The following CNGB1 variants were observed in gnomAD, a reference collection of about 807,000 sequenced individuals.
CNGB1 encodes cyclic nucleotide-gated channel beta-1.
In CNGB1, 126 loss-of-function variants were observed where a neutral mutation model predicts 151.7. That is an observed-to-expected ratio of 0.83 (90% CI 0.72 to 0.96). The LOEUF (loss-of-function observed/expected upper bound fraction) is 0.96. Ranked by LOEUF, CNGB1 falls within the 40% of genes least tolerant of loss-of-function variation. The pLI is 0.00. For missense variants in CNGB1, 1,698 were observed against 1,627.0 expected (o/e 1.04, Z -0.75); for synonymous variants, 623 against 635.1 (o/e 0.98, Z 0.29).
At chr16:57,970,394 A>G (rs1397742790) in intron 1 of CNGB1, among the ~76,000 whole-genome samples, 1 of 152,134 alleles carries the variant, frequency 6.6e-6, no homozygotes, top group African/African-American at 2.4e-5. Flanking sequence ...GCACTCAGTA[A>G]AATAAGAATT....
chr16:57,891,169 A>T (rs1333210366), intron 31 of CNGB1, among the ~76,000 whole-genome samples: 1 of 152,170 alleles, frequency 6.6e-6, no homozygotes, highest in Admixed American at 6.5e-5. Context: ...GGGCAAGAAG[A>T]GAGGGTGGGG....
rs142893187 is a variant in CNGB1, at chr16:57,961,176, G to A, written c.459-261C>T. ...GGGCAGCAGGGGAGAGGCAAGAGCC[G>A]CTTGAGGACCTGAATGCAGCCCTGG... On this transcript the variant is annotated intron_variant, in intron 7 of 32. Transcript: ENST00000251102. Among the ~76,000 whole-genome samples the A allele has an allele frequency of 1.9e-4, 29 of 152,332 alleles. No individual in the cohort carries two copies. The East Asian group carries it at 4.0e-3, about 21-fold the overall frequency.
chr16:57,967,640 G>A (rs1360042673), intron 1 of CNGB1, among the ~76,000 whole-genome samples: 1 of 152,066 alleles, frequency 6.6e-6, no homozygotes, highest in East Asian at 1.9e-4. Flanking sequence ...AGGCAGCAGT[G>A]GGTCATGATG....
In CNGB1 at chr16:57,912,919, G is replaced by A. The variant is rs2149362682; in HGVS notation, c.2369+11C>T. The A allele has an allele frequency of 1.2e-6, 2 of 1,613,576 alleles. No individual in the cohort carries two copies. Among genetic ancestry groups the A allele is most frequent in the Non-Finnish European group, 1.7e-6 (2 of 1,179,568 alleles). On this transcript the variant is annotated intron_variant, in intron 24 of 32. Transcript: ENST00000251102. ...GTGTGTGCATGCATGCACATGCAGG[G>A]GGAGTCTCACCTGTACACGTAGGCT...
At chr16:57,949,672 G>T (rs543636591) in intron 13 of CNGB1, among the ~76,000 whole-genome samples, 1 of 152,154 alleles carries the variant, frequency 6.6e-6, no homozygotes, top group African/African-American at 2.4e-5. Context: ...GGTGACCCTA[G>T]GTCAGCCTCT....
rs202216233 is a variant in CNGB1, at chr16:57,960,551, A to G, written c.535-21T>C. Reference sequence around the variant, plus strand: ...CAGACCTGGGTGACAAACAGGGCGCAAGGTCATGGGCCATAGCAAGCTCTG... The same window carrying G: ...CAGACCTGGGTGACAAACAGGGCGCGAGGTCATGGGCCATAGCAAGCTCTG... On this transcript the variant is annotated intron_variant, in intron 8 of 32. Coordinates refer to ENST00000251102, the MANE Select transcript of CNGB1 (RefSeq NM_001297.5). 2.8e-3 allele frequency: 4,576 copies of G among 1,612,600 alleles called. 12 individuals are homozygous for G. Among genetic ancestry groups the G allele is most frequent in the Non-Finnish European group, 3.5e-3 (4,133 of 1,179,148 alleles).
chr16:57,960,726 C>T, intron 8 of CNGB1, 114 bp downstream of exon 8: 2 of 1,329,018 alleles, frequency 1.5e-6, no homozygotes, highest in Non-Finnish European at 2.1e-6. Flanking sequence ...GGGCATCGCC[C>T]CCTCATGAGT....
intron 25 of CNGB1, among the ~76,000 whole-genome samples, chr16:57,906,911 G>A (rs1218691587): frequency 6.6e-6 from 1 of 152,198 alleles, no homozygotes; most frequent in Non-Finnish European, 1.5e-5. Context: ...GAGAGCACTG[G>A]GGCGGGATGC....
chr16:57,920,521 G>A lies in CNGB1; in HGVS notation c.1667C>T (p.Thr556Met), dbSNP rs199836349. 6.3e-5 allele frequency: 101 copies of A among 1,613,606 alleles called. No homozygotes were observed. In the African/African-American group the frequency reaches 9.6e-4, roughly 15 times the overall value. Residue 556 changes from threonine to methionine, a missense_variant, in exon 19 of 33, where the codon ACG becomes ATG. Physicochemically the swap from Thr to Met is moderately conservative, Grantham distance 81 (BLOSUM62 -1). Transcript: ENST00000251102. ...GATGATGGCGCTATTTGTGCTGGCC[G>A]TGGAGGCCGCACGGTCCTGGCCACT... ...DTDGQDRAAS[T>M]ASTNSAIIND...
intron 25 of CNGB1, among the ~76,000 whole-genome samples, chr16:57,907,798 C>T (rs1270187472): frequency 2.0e-5 from 3 of 152,144 alleles, no homozygotes; most frequent in African/African-American, 4.8e-5. Context: ...CCACTGGTGA[C>T]GTGGGGAAGC....
chr16:57,904,668 T>C, intron 26 of CNGB1, 66 bp downstream of exon 26: 2 of 1,608,830 alleles, frequency 1.2e-6, no homozygotes, highest in Non-Finnish European at 1.7e-6. Flanking sequence ...GGGTGACATT[T>C]CTGGCAACAG....
intron 25 of CNGB1, among the ~76,000 whole-genome samples, chr16:57,905,375 G>A (rs928731325): frequency 6.6e-6 from 1 of 152,214 alleles, no homozygotes; most frequent in Admixed American, 6.5e-5. Context: ...GTGAAACTGA[G>A]GCCCCCAAAG....
intron 16 of CNGB1, among the ~76,000 whole-genome samples, chr16:57,933,417 T>C (rs1961411097): frequency 6.6e-6 from 1 of 152,216 alleles, no homozygotes. Flanking sequence ...GGCCCTGTAC[T>C]GTGTCCCACA....
chr16:57,936,799 C>A lies in CNGB1; in HGVS notation c.1372+2631G>T, dbSNP rs80266738. 5.4e-3 allele frequency among the ~76,000 whole-genome samples: 689 copies of A among 128,570 alleles called. 4 individuals are homozygous for A. Among genetic ancestry groups the A allele is most frequent in the African/African-American group, 0.017 (586 of 35,440 alleles). 84.3% of individuals were successfully genotyped at this position (128,570 alleles called of 152,430 possible). A position where few individuals can be genotyped will look rare whatever the true frequency, so the allele number is the denominator to read the frequency against. ...GACTCTGTCTCAAAAAACAAACAAACAAAAAAAAAACAAAAGAAAAGAGAG... is the reference window on the plus strand; with the variant it reads ...GACTCTGTCTCAAAAAACAAACAAAAAAAAAAAAAACAAAAGAAAAGAGAG... On this transcript the variant is annotated intron_variant, in intron 16 of 32. Coordinates refer to ENST00000251102, the MANE Select transcript of CNGB1 (RefSeq NM_001297.5).
In CNGB1 at chr16:57,944,343, AAGGAG is replaced by A. The variant is rs144458627; in HGVS notation, c.1122-4027_1122-4023del. Among the ~76,000 whole-genome samples the A allele has an allele frequency of 3.0e-3, 451 of 152,318 alleles. 2 individuals are homozygous for A. Among genetic ancestry groups the A allele is most frequent in the African/African-American group, 0.01 (435 of 41,578 alleles). ...GAGTGTAAAAAAGTTGAACTCACAG[AAGGAG>A]AGAATAGAATGGTAGTTACCAGGGG... On this transcript the variant is annotated intron_variant, in intron 14 of 32. Coordinates refer to ENST00000251102, the MANE Select transcript of CNGB1 (RefSeq NM_001297.5).
intron 4 of CNGB1, 67 bp downstream of exon 4, chr16:57,964,063 G>T: frequency 6.8e-7 from 1 of 1,470,786 alleles, no homozygotes. Context: ...CATCCCCAGG[G>T]CTCCCTAGCT....
intron 27 of CNGB1, among the ~76,000 whole-genome samples, chr16:57,903,396 G>T (rs1468645965): frequency 6.6e-6 from 1 of 152,046 alleles, no homozygotes; most frequent in African/African-American, 2.4e-5. Flanking sequence ...GGAGGCTGAG[G>T]TAGGAGAATC....
At chr16:57,920,343 A>C (rs776685900) in intron 19 of CNGB1, 44 bp downstream of exon 19, 1 of 1,611,230 alleles carries the variant, frequency 6.2e-7, no homozygotes, top group South Asian at 1.1e-5. Flanking sequence ...TGGAGGCCCC[A>C]CCCCATCCCC....
rs1313173172 is a variant in CNGB1, at chr16:57,916,181, T to G, written c.2167-2A>C. The G allele has an allele frequency of 1.9e-6, 3 of 1,613,304 alleles. No homozygotes were observed. The highest frequency in any genetic ancestry group is 2.5e-6 in the Non-Finnish European group (3 of 1,179,370). ...ATTTCGCATGTCCTTTTTGTCCGTCTGAAAGAAAGGGAATGATGATGGTGA... is the reference window on the plus strand; with the variant it reads ...ATTTCGCATGTCCTTTTTGTCCGTCGGAAAGAAAGGGAATGATGATGGTGA... On this transcript the variant is annotated splice_acceptor_variant, in intron 21 of 32. Transcript: ENST00000251102. LOFTEE classifies it high-confidence loss of function.
Sources: allele counts gnomAD v4.1 joint callset (sites outside exome capture counted in the v4.1 genomes callset), GRCh38; gene constraint gnomAD v4.1.1; transcripts MANE v1.5; gene names NCBI Gene and HGNC (gene_info 2026-07-23, HGNC 2026-07-21).